Variants in SPOCK2 observed in about 807,000 individuals in gnomAD.
SPOCK2 encodes SPARC (osteonectin), cwcv and kazal like domains proteoglycan 2, also known as testican-2.
In SPOCK2, 39 loss-of-function variants were observed where a neutral mutation model predicts 60.1. The ratio of observed to expected loss-of-function variants is 0.65; its 90% confidence interval spans 0.50 to 0.85. The LOEUF (loss-of-function observed/expected upper bound fraction) is 0.85, where lower values mean the gene tolerates loss of function less well. Ranked by LOEUF, SPOCK2 falls within the 40% of genes least tolerant of loss-of-function variation. SPOCK2 has a pLI of 0.00. For synonymous variants in SPOCK2, 217 were observed against 231.5 expected, an observed-to-expected ratio of 0.94 and a Z score of 0.57; for missense variants, 523 against 567.4, an observed-to-expected ratio of 0.92 and a Z score of 0.80.
rs139124115 is a variant in SPOCK2, at chr10:72,072,169, T to A, written c.334A>T (p.Ile112Phe). 6.5e-7 allele frequency: 1 copy of A among 1,536,760 alleles called. No individual in the cohort carries two copies. Among genetic ancestry groups the A allele is most frequent in the South Asian group, 1.2e-5 (1 of 80,276 alleles). ...IAQGYQRAMC[I>F]SRKKLEHRIK... ...CTGTGCTCCAGCTTCTTGCGACTGA[T>A]GCACATGGCCCGCTGGTAGCCCTGG... Residue 112 changes from isoleucine (I) to phenylalanine (F), a missense_variant, in exon 4 of 11, where the codon ATC (isoleucine) becomes TTC (phenylalanine). Physicochemically the swap from Ile to Phe is conservative, Grantham distance 21 (BLOSUM62 0). Coordinates refer to ENST00000373109, the MANE Select transcript of SPOCK2 (RefSeq NM_001244950.2).
Position 72,062,597 on chromosome 10 carries a change from C to T in SPOCK2, c.*163G>A. On this transcript the variant is annotated 3_prime_UTR_variant, in exon 11 of 11. Coordinates refer to ENST00000373109, the MANE Select transcript of SPOCK2 (RefSeq NM_001244950.2). The surrounding 1 kb of genome is among the most constrained non-coding windows in gnomAD (Gnocchi z 4.3). ...CATGCACTCACACTGTCACCCGTCC[C>T]AGCCATCTGTGCCACACACATGCCA... 2 of 1,356,254 alleles carry T rather than the reference C, an allele frequency of 1.5e-6. No individual in the cohort carries two copies. The highest frequency in any genetic ancestry group is 1.4e-5 in the South Asian group (1 of 70,486). 84.0% of individuals were successfully genotyped at this position (1,356,254 alleles called of 1,614,324 possible). A position where few individuals can be genotyped will look rare whatever the true frequency, so the allele number is the denominator to read the frequency against.
chr10:72,076,102 T>C (rs1009057349), intron 1 of SPOCK2, among the ~76,000 whole-genome samples: 1 of 150,660 alleles, frequency 6.6e-6, no homozygotes, highest in Non-Finnish European at 1.5e-5. Context: ...CCCAAAAAAG[T>C]GGAGAGGGAG....
intron 5 of SPOCK2, among the ~76,000 whole-genome samples, chr10:72,069,818 A>C (rs570275594): frequency 6.6e-6 from 1 of 152,230 alleles, no homozygotes; most frequent in East Asian, 1.9e-4. Context: ...AAATCCACAT[A>C]AGGTGCAAAT....
chr10:72,072,275 TC>T lies in SPOCK2; in HGVS notation c.245-18del, dbSNP rs759712517. On this transcript the variant is annotated intron_variant, in intron 3 of 10. Transcript: ENST00000373109. ...TATCCAGGGCTGCAGGGGCACAGAGTCAGGACACAGGTCACCTGGGAGAACC... is the reference window on the plus strand; with the variant it reads ...TATCCAGGGCTGCAGGGGCACAGAGTAGGACACAGGTCACCTGGGAGAACC... 25 of 1,507,146 alleles carry T rather than the reference TC, an allele frequency of 1.7e-5. No individual in the cohort carries two copies. In the African/African-American group the frequency reaches 3.5e-4, roughly 21 times the overall value. The allele number at this position is 1,507,146 out of a possible 1,614,324, so 93.4% of individuals were successfully genotyped here.
In SPOCK2 at chr10:72,068,052, C is replaced by G. The variant is rs956607123; in HGVS notation, c.589+135G>C. 6.7e-6 allele frequency: 7 copies of G among 1,047,692 alleles called. No individual in the cohort carries two copies. In the East Asian group the frequency reaches 1.6e-4, roughly 23 times the overall value. 64.9% of individuals were successfully genotyped at this position (1,047,692 alleles called of 1,614,324 possible). A position where few individuals can be genotyped will look rare whatever the true frequency, so the allele number is the denominator to read the frequency against. ...GTGTTAATCTGGGCCTCTGACCTCA[C>G]AGCTCCCTCAAGCTTTCTGCATTTT... On this transcript the variant is annotated intron_variant, in intron 6 of 10. Coordinates refer to ENST00000373109, the MANE Select transcript of SPOCK2 (RefSeq NM_001244950.2).
At chr10:72,076,371 TG>T (rs1840715133) in intron 1 of SPOCK2, among the ~76,000 whole-genome samples, 1 of 152,178 alleles carries the variant, frequency 6.6e-6, no homozygotes, top group African/African-American at 2.4e-5. Context: ...GGCACCCCAG[TG>T]GGCTCATTAG....
rs1053726582 is a variant in SPOCK2, at chr10:72,072,352, C to A, written c.245-94G>T. 2.7e-6 allele frequency: 4 copies of A among 1,458,726 alleles called. No homozygotes were observed. In the East Asian group the frequency reaches 9.8e-5, roughly 36 times the overall value. 90.4% of individuals were successfully genotyped at this position (1,458,726 alleles called of 1,614,324 possible). On this transcript the variant is annotated intron_variant, in intron 3 of 10. Coordinates refer to ENST00000373109, the MANE Select transcript of SPOCK2 (RefSeq NM_001244950.2). ...GCTGGGAGGCCTCTCCCTCCAGCAG[C>A]CCTTGATAACCAGAGCTCCTGAGCT... is the stretch of plus-strand genomic sequence containing the variant.
chr10:72,082,434 C>T (rs145640855), intron 1 of SPOCK2, among the ~76,000 whole-genome samples: 7 of 152,286 alleles, frequency 4.6e-5, no homozygotes, highest in Non-Finnish European at 1.0e-4. Context: ...ATCTGTGTCC[C>T]CCCCAGACCC....
chr10:72,082,175 ATGC>A (rs1267307418), intron 1 of SPOCK2, among the ~76,000 whole-genome samples: 1 of 152,242 alleles, frequency 6.6e-6, no homozygotes, highest in Non-Finnish European at 1.5e-5. Context: ...TGGCCAATAA[ATGC>A]TGCAGGAACC....
intron 1 of SPOCK2, among the ~76,000 whole-genome samples, chr10:72,077,668 C>A (rs974820956): frequency 2.0e-5 from 3 of 152,196 alleles, no homozygotes; most frequent in African/African-American, 7.2e-5. Context: ...AAAGAACAGC[C>A]ATTCTTCCTC....
In SPOCK2 at chr10:72,059,879, C is replaced by A. The variant is rs183263944; in HGVS notation, c.*2881G>T. 24 of 153,034 alleles carry A rather than the reference C, an allele frequency of 1.6e-4. No individual in the cohort carries two copies. Among genetic ancestry groups the A allele is most frequent in the African/African-American group, 3.6e-4 (15 of 41,576 alleles). 9.5% of individuals were successfully genotyped at this position (153,034 alleles called of 1,614,324 possible). On this transcript the variant is annotated 3_prime_UTR_variant, in exon 11 of 11. Coordinates refer to ENST00000373109, the MANE Select transcript of SPOCK2 (RefSeq NM_001244950.2). Reference sequence around the variant, plus strand: ...AACCTACCAGATCTGACATCCACCTCCCCCAGCACCCATGGGCCAAGGAGG... The same window carrying A: ...AACCTACCAGATCTGACATCCACCTACCCCAGCACCCATGGGCCAAGGAGG...
chr10:72,072,481 C>T (rs1840661907), intron 3 of SPOCK2, 22 bp downstream of exon 3: 1 of 1,613,836 alleles, frequency 6.2e-7, no homozygotes, highest in Non-Finnish European at 8.5e-7. Flanking sequence ...GTCACCTTCC[C>T]CCGCCGGGAG....
At chr10:72,068,141 G>C in intron 6 of SPOCK2, 46 bp downstream of exon 6, 1 of 1,566,162 alleles carries the variant, frequency 6.4e-7, no homozygotes, top group South Asian at 1.2e-5. Flanking sequence ...GAGGTGCCAG[G>C]TGGCCCTTCA....
chr10:72,072,644 G>T, intron 2 of SPOCK2, 96 bp from the exon 3 acceptor site: 1 of 1,561,546 alleles, frequency 6.4e-7, no homozygotes, highest in Non-Finnish European at 8.8e-7. Flanking sequence ...GGCCAGCGAT[G>T]TCATGTGCCA....
Position 72,068,320 on chromosome 10 carries a change from G to A in SPOCK2, c.475-19C>T, listed in dbSNP as rs997138625. The A allele has an allele frequency of 4.4e-6, 7 of 1,591,300 alleles. No individual in the cohort carries two copies. The African/African-American group carries it at 8.0e-5, about 18-fold the overall frequency. On this transcript the variant is annotated intron_variant, in intron 5 of 10. Coordinates refer to ENST00000373109, the MANE Select transcript of SPOCK2 (RefSeq NM_001244950.2). ...GCTTACACTGCACATGGGGAAAGGT[G>A]GAACAGGGGACTGAGGGCTTACCCC...
rs374409038 is a variant in SPOCK2 at position 72,062,956 on chromosome 10, C to T, written c.1130-51G>A. 42 of 1,585,664 alleles carry T rather than the reference C, an allele frequency of 2.6e-5. No homozygotes were observed. Among genetic ancestry groups the T allele is most frequent in the East Asian group, 1.6e-4 (7 of 43,848 alleles). On this transcript the variant is annotated intron_variant, in intron 10 of 10. Coordinates refer to ENST00000373109, the MANE Select transcript of SPOCK2 (RefSeq NM_001244950.2). This position sits in a 1 kb window ranked among gnomAD's most constrained non-coding sequence, Gnocchi z 4.3. ...GGTGAGGGAGCTTCTGGCACGCACC[C>T]CCCAGCATCCCACGACAAGGGCCCC...
chr10:72,064,100 G>A, intron 9 of SPOCK2, 78 bp downstream of exon 9: 1 of 1,552,792 alleles, frequency 6.4e-7, no homozygotes, highest in Non-Finnish European at 8.7e-7. Context: ...GAGGCCCAAG[G>A]CTGGAGGCCC....
At chr10:72,086,812 G>A (rs1379526548) in intron 1 of SPOCK2, 1 of 1,528,172 alleles carries the variant, frequency 6.5e-7, no homozygotes, top group African/African-American at 1.4e-5. Flanking sequence ...ACAGTCACTT[G>A]TCTGACGGTA....
In SPOCK2 at chr10:72,072,530, A is replaced by G. The variant is rs748060353; in HGVS notation, c.217T>C (p.Trp73Arg). 5.6e-6 allele frequency: 9 copies of G among 1,614,014 alleles called. No homozygotes were observed. Among genetic ancestry groups the G allele is most frequent in the Admixed American group, 1.7e-5 (1 of 60,016 alleles). ...DEVEDDYIKS[W>R]EDNQQGDEAL... Reference sequence around the variant, plus strand: ...TCATCTCCTTGCTGATTGTCCTCCCAGCTCTTGATATAGTCATCCTAGAGG... The same window carrying G: ...TCATCTCCTTGCTGATTGTCCTCCCGGCTCTTGATATAGTCATCCTAGAGG... The change falls in exon 3 of 11, where the codon TGG (tryptophan) becomes CGG (arginine). Residue 73 changes from tryptophan (W) to arginine (R), a missense_variant. By Grantham distance (101) the Trp-to-Arg change is moderately radical. Coordinates refer to ENST00000373109, the MANE Select transcript of SPOCK2 (RefSeq NM_001244950.2).
Sources: gnomAD v4.1 joint callset for allele counts (sites outside exome capture counted in the v4.1 genomes callset) on GRCh38, gnomAD v4.1.1 for gene constraint, Gnocchi (gnomAD v3.1) non-coding constraint, MANE v1.5 for transcripts, NCBI Gene and HGNC (gene_info 2026-07-23, HGNC 2026-07-21) for gene names.